The following GOLGA5 variants were observed in gnomAD, a reference collection of about 807,000 sequenced individuals.
GOLGA5 encodes the protein golgin A5.
In GOLGA5, 50 loss-of-function variants were observed where a neutral mutation model predicts 93.5. That is an observed-to-expected ratio of 0.53 (90% confidence interval 0.43 to 0.68). GOLGA5 has a LOEUF of 0.68. Among genes scored for constraint, GOLGA5 ranks in the 30% least tolerant of loss-of-function variants. The pLI is 0.00. For missense variants in GOLGA5, 760 were observed against 856.4 expected, an observed-to-expected ratio of 0.89 and a Z score of 1.40; for synonymous variants, 312 against 304.5, an observed-to-expected ratio of 1.02 and a Z score of -0.26.
chr14:92,804,791 G>A (rs56013839), intron 2 of GOLGA5, among the ~76,000 whole-genome samples: 7 of 148,852 alleles, frequency 4.7e-5, no homozygotes, highest in African/African-American at 1.7e-4. Flanking sequence ...AAGTAGCTGA[G>A]ATTACAGGCA....
intron 2 of GOLGA5, among the ~76,000 whole-genome samples, chr14:92,804,759 G>A (rs575142955): frequency 2.4e-4 from 36 of 150,210 alleles, no homozygotes; most frequent in African/African-American, 7.9e-4. Flanking sequence ...AGGTTCAAGC[G>A]ATTCTCCTGC....
chr14:92,806,194 T>G (rs1033071005), intron 2 of GOLGA5, among the ~76,000 whole-genome samples: 3 of 152,210 alleles, frequency 2.0e-5, no homozygotes, highest in East Asian at 1.9e-4. Flanking sequence ...CAGAATGGTG[T>G]TGTACTGTCT....
chr14:92,812,567 T>C (rs186038389), intron 6 of GOLGA5, among the ~76,000 whole-genome samples: 3 of 152,300 alleles, frequency 2.0e-5, no homozygotes, highest in African/African-American at 7.2e-5. Context: ...TTGTTAACTC[T>C]TATCTCCTTC....
intron 3 of GOLGA5, among the ~76,000 whole-genome samples, chr14:92,808,060 C>T (rs1272146668): frequency 6.6e-6 from 1 of 152,054 alleles, no homozygotes; most frequent in Non-Finnish European, 1.5e-5. Flanking sequence ...TGGTGAAACC[C>T]GTCTCTACTA....
rs150734876 is a variant in GOLGA5 at position 92,814,227 on chromosome 14, A to G, written c.1321-2024A>G. Reference sequence around the variant, plus strand: ...TAAAAACACAGTCTTAAACATCAGCATTTACAAATTGGGCAAAAGGATAGC... The same window carrying G: ...TAAAAACACAGTCTTAAACATCAGCGTTTACAAATTGGGCAAAAGGATAGC... On this transcript the variant is annotated intron_variant, in intron 6 of 12. Coordinates refer to ENST00000163416, the MANE Select transcript of GOLGA5 (RefSeq NM_005113.4). Among the ~76,000 whole-genome samples, 5 of 152,278 alleles carry G rather than the reference A, an allele frequency of 3.3e-5. No homozygotes were observed. The East Asian group carries it at 7.7e-4, about 23-fold the overall frequency.
At position 92,816,236 on chromosome 14, in the gene GOLGA5, CTTCT is replaced by C; in HGVS notation, c.1321-12_1321-9del. 6.4e-7 allele frequency: 1 copy of C among 1,569,856 alleles called. No homozygotes were observed. Among genetic ancestry groups the C allele is most frequent in the African/African-American group, 1.4e-5 (1 of 73,658 alleles). ...ATCTCTGCTTTGCTTAAACATATTT[CTTCT>C]TTTATAATAGTCTAAGGAAAAATTG... On this transcript the variant is annotated splice_polypyrimidine_tract_variant and intron_variant, in intron 6 of 12. Coordinates refer to ENST00000163416, the MANE Select transcript of GOLGA5 (RefSeq NM_005113.4).
At chr14:92,816,090 C>T (rs569683118) in intron 6 of GOLGA5, among the ~76,000 whole-genome samples, 161 bp from the exon 7 acceptor site, 1 of 152,264 alleles carries the variant, frequency 6.6e-6, no homozygotes, top group South Asian at 2.1e-4. Flanking sequence ...CAGCAAGGCT[C>T]TGTTGTGTTT....
intron 8 of GOLGA5, 27 bp from the exon 9 acceptor site, chr14:92,824,519 C>G (rs1443511153): frequency 8.2e-7 from 1 of 1,224,644 alleles, no homozygotes; most frequent in Admixed American, 1.8e-5. Flanking sequence ...TATTTCGCTT[C>G]TGTTTTGTTT....
At chr14:92,817,194 G>T (rs1885228773) in intron 7 of GOLGA5, among the ~76,000 whole-genome samples, 1 of 152,114 alleles carries the variant, frequency 6.6e-6, no homozygotes, top group Non-Finnish European at 1.5e-5. Flanking sequence ...GCCCACCTCG[G>T]CCTCCCAAAG....
intron 9 of GOLGA5, among the ~76,000 whole-genome samples, chr14:92,825,543 C>T (rs1885399178): frequency 6.6e-6 from 1 of 152,112 alleles, no homozygotes; most frequent in South Asian, 2.1e-4. Flanking sequence ...CCTACTGTAT[C>T]TGAAGTATTG....
chr14:92,828,665 AATTT>A (rs1283142549), intron 9 of GOLGA5, among the ~76,000 whole-genome samples: 20 of 152,090 alleles, frequency 1.3e-4, no homozygotes, highest in Admixed American at 1.3e-4. Context: ...TAAATTAATT[AATTT>A]ATTTATTTTT....
At chr14:92,798,201 C>T (rs2284956) in intron 2 of GOLGA5, among the ~76,000 whole-genome samples, 124,069 of 152,178 alleles carry the variant, frequency 0.82, 51,251 homozygotes, top group African/African-American at 0.94. Context: ...AGGGCAACTT[C>T]ACCCACTCAG....
chr14:92,813,823 TAAG>T (rs1487571732), intron 6 of GOLGA5, among the ~76,000 whole-genome samples: 1 of 152,036 alleles, frequency 6.6e-6, no homozygotes, highest in African/African-American at 2.4e-5. Flanking sequence ...GAGGTGATCA[TAAG>T]AAATAATGAG....
intron 4 of GOLGA5, among the ~76,000 whole-genome samples, chr14:92,809,875 T>C (rs1450058375): frequency 1.3e-5 from 2 of 152,158 alleles, no homozygotes; most frequent in African/African-American, 2.4e-5. Context: ...GCAGAATCAC[T>C]TGAACCCAGG....
Position 92,806,815 on chromosome 14 carries a change from C to T in GOLGA5, c.624C>T (p.Cys208=), listed in dbSNP as rs2140316910. ...SKENVSSNAA[C]PDHTPTPNDD... ...AAAATGTGTCATCAAATGCTGCCTG[C>T]CCTGACCACACCCCAACACCTAATG... Residue 208 remains cysteine (C), a synonymous_variant, in exon 3 of 13, where the codon TGC becomes TGT. Coordinates refer to ENST00000163416, the MANE Select transcript of GOLGA5 (RefSeq NM_005113.4). The T allele has an allele frequency of 6.2e-7, 1 of 1,613,554 alleles. No homozygotes were observed. Among genetic ancestry groups the T allele is most frequent in the Non-Finnish European group, 8.5e-7 (1 of 1,179,488 alleles).
chr14:92,809,427 G>A lies in GOLGA5; in HGVS notation c.900G>A (p.Gln300=). 1 of 1,614,000 alleles carries A rather than the reference G, an allele frequency of 6.2e-7. No homozygotes were observed. Among genetic ancestry groups the A allele is most frequent in the South Asian group, 1.1e-5 (1 of 91,076 alleles). Reference sequence around the variant, plus strand: ...AAGCTGTGGCTGCAAAGGATTCCCAGCTGGCTGTACTGAAAGTGAGACTCC... The same window carrying A: ...AAGCTGTGGCTGCAAAGGATTCCCAACTGGCTGTACTGAAAGTGAGACTCC... ...LTEAVAAKDS[Q]LAVLKVRLQE... The change falls in exon 4 of 13, where the codon CAG becomes CAA. Residue 300 remains glutamine (Q), a synonymous_variant. Coordinates refer to ENST00000163416, the MANE Select transcript of GOLGA5 (RefSeq NM_005113.4).
intron 5 of GOLGA5, among the ~76,000 whole-genome samples, chr14:92,810,921 G>T (rs116009782): frequency 1.7e-3 from 262 of 152,318 alleles, no homozygotes; most frequent in African/African-American, 6.0e-3. Flanking sequence ...GTTTTAGAAG[G>T]TTCACAGGTG....
intron 9 of GOLGA5, among the ~76,000 whole-genome samples, chr14:92,827,244 T>C (rs540154275): frequency 6.6e-6 from 1 of 152,340 alleles, no homozygotes; most frequent in African/African-American, 2.4e-5. Context: ...ATTGAAAGTT[T>C]ATGGCAACCC....
chr14:92,830,458 G>A (rs1035698491), intron 9 of GOLGA5, among the ~76,000 whole-genome samples: 1 of 150,502 alleles, frequency 6.6e-6, no homozygotes, highest in Non-Finnish European at 1.5e-5. Context: ...TATTTTGTGT[G>A]TGGCCCAAGA....
Sources: allele counts gnomAD v4.1 joint callset (sites outside exome capture counted in the v4.1 genomes callset), GRCh38; gene constraint gnomAD v4.1.1; transcripts MANE v1.5; gene names NCBI Gene and HGNC (gene_info 2026-07-23, HGNC 2026-07-21).